The following CD47 variants were observed in gnomAD, a reference collection of about 807,000 sequenced individuals.
The protein encoded by CD47 is leukocyte surface antigen CD47.
Under a neutral mutation model 44.6 loss-of-function variants are expected in CD47, and 11 were observed. The observed-to-expected ratio is 0.25, with a 90% CI of 0.16 to 0.41. The LOEUF is 0.41. CD47 is among the 10% of genes least tolerant of loss of function. The pLI, the probability that CD47 is intolerant of heterozygous loss-of-function variation, is 1.00. For synonymous variants in CD47, 140 were observed against 136.3 expected (o/e 1.03, Z -0.19); for missense variants, 306 against 386.7 (o/e 0.79, Z 1.75).
intron 3 of CD47, among the ~76,000 whole-genome samples, chr3:108,064,207 G>A (rs780073829): frequency 5.3e-5 from 8 of 152,126 alleles, no homozygotes; most frequent in Non-Finnish European, 1.2e-4. Flanking sequence ...CAGTGAACAC[G>A]AAAAGCAAAC....
intron 1 of CD47, among the ~76,000 whole-genome samples, chr3:108,090,643 A>G (rs981074276): frequency 6.9e-6 from 1 of 145,020 alleles, no homozygotes; most frequent in Non-Finnish European, 1.5e-5. Context: ...GCTCTCACCC[A>G]GGGGGAAGAA....
intron 2 of CD47, among the ~76,000 whole-genome samples, chr3:108,079,026 G>A (rs2079363575): frequency 6.6e-6 from 1 of 152,026 alleles, no homozygotes; most frequent in South Asian, 2.1e-4. Flanking sequence ...TCAATCCTAA[G>A]TAATGTGCAA....
At chr3:108,090,770 TCAGGGCGCCGCCGGGCTGGC>T (rs2079619501) in intron 1 of CD47, 73 bp downstream of exon 1, 1 of 1,224,982 alleles carries the variant, frequency 8.2e-7, no homozygotes, top group South Asian at 1.7e-5. Context: ...GCCACCCTCT[TCAGGGCGCCGCCGGGCTGGC>T]TGGGGCGCAG....
chr3:108,052,384 G>A, intron 7 of CD47: 1 of 172,700 alleles, frequency 5.8e-6, no homozygotes, highest in East Asian at 1.7e-4. Flanking sequence ...TTAGCTCACT[G>A]CTCCTGTGTC....
intron 5 of CD47, among the ~76,000 whole-genome samples, chr3:108,058,636 T>C (rs1401943749): frequency 1.3e-5 from 2 of 152,346 alleles, no homozygotes; most frequent in Admixed American, 1.3e-4. Context: ...GCCTTTAATT[T>C]TCACAGTCAG....
rs536985659 is a variant in CD47 at position 108,077,292 on chromosome 3, G to A, written c.400+2699C>T. Among the ~76,000 whole-genome samples, 4 of 152,214 alleles carry A rather than the reference G, an allele frequency of 2.6e-5. No individual in the cohort carries two copies. In the East Asian group the frequency reaches 5.8e-4, roughly 22 times the overall value. ...ATTAGAAAAGAACTTATACTCCATAGTAAGAGTCCTGCCCCATTTAACCTT... is the reference window on the plus strand; with the variant it reads ...ATTAGAAAAGAACTTATACTCCATAATAAGAGTCCTGCCCCATTTAACCTT... On this transcript the variant is annotated intron_variant, in intron 2 of 10. Coordinates refer to ENST00000361309, the MANE Select transcript of CD47 (RefSeq NM_001777.4).
intron 3 of CD47, among the ~76,000 whole-genome samples, chr3:108,066,131 T>C (rs1479103518): frequency 6.6e-6 from 1 of 152,122 alleles, no homozygotes. Context: ...CAAGGTAGTG[T>C]AATGAGAACT....
chr3:108,051,093 T>G (rs1257756992), intron 8 of CD47, among the ~76,000 whole-genome samples: 1 of 152,218 alleles, frequency 6.6e-6, no homozygotes, highest in Non-Finnish European at 1.5e-5. Flanking sequence ...TATACCCCTG[T>G]GGTAGACACA....
intron 10 of CD47, 64 bp downstream of exon 10, chr3:108,049,554 CT>C (rs1206954794): frequency 3.9e-6 from 4 of 1,015,908 alleles, no homozygotes; most frequent in African/African-American, 3.2e-5. Context: ...TTTCAAGAAG[CT>C]TTTTTGTTTT....
intron 10 of CD47, among the ~76,000 whole-genome samples, chr3:108,048,369 GTGTTTTT>G (rs2078755691): frequency 8.8e-6 from 1 of 113,002 alleles, no homozygotes; most frequent in Non-Finnish European, 1.8e-5. Flanking sequence ...CATGACTGGA[GTGTTTTT>G]TTTTTTTTTT....
chr3:108,088,994 A>C (rs2079576454), intron 1 of CD47, among the ~76,000 whole-genome samples: 1 of 152,226 alleles, frequency 6.6e-6, no homozygotes, highest in Admixed American at 6.5e-5. Context: ...AATACAAATG[A>C]ATGTACAGAT....
intron 2 of CD47, among the ~76,000 whole-genome samples, chr3:108,078,690 CAG>C (rs1229300111): frequency 6.6e-6 from 1 of 151,450 alleles, no homozygotes; most frequent in African/African-American, 2.4e-5. Flanking sequence ...GATTTCTGAG[CAG>C]AAAGACCTTT....
At chr3:108,075,005 G>A (rs2108259426) in intron 2 of CD47, among the ~76,000 whole-genome samples, 1 of 152,360 alleles carries the variant, frequency 6.6e-6, no homozygotes, top group South Asian at 2.1e-4. Context: ...CTCAAGGGGA[G>A]AGTGAGACAT....
intron 1 of CD47, among the ~76,000 whole-genome samples, chr3:108,090,380 A>ACCGACTTCTCT (rs2079607482): frequency 1.3e-5 from 2 of 152,094 alleles, no homozygotes; most frequent in African/African-American, 4.8e-5. Context: ...ACCCCTTCTC[A>ACCGACTTCTCT]CCGACTTCGC....
chr3:108,061,914 TTAAA>T, intron 3 of CD47, among the ~76,000 whole-genome samples: 1 of 152,232 alleles, frequency 6.6e-6, no homozygotes, highest in Non-Finnish European at 1.5e-5. Flanking sequence ...GTGACAAACA[TTAAA>T]TAAAGTAAAA....
intron 1 of CD47, among the ~76,000 whole-genome samples, chr3:108,089,810 A>C (rs1191483964): frequency 6.6e-6 from 1 of 152,194 alleles, no homozygotes; most frequent in East Asian, 1.9e-4. Flanking sequence ...AGCATTCTAG[A>C]ATAAATGTAA....
chr3:108,055,609 T>C (rs1197248605), intron 7 of CD47: 3 of 1,151,266 alleles, frequency 2.6e-6, no homozygotes, highest in Non-Finnish European at 3.5e-6. Flanking sequence ...TTTAGGATAC[T>C]ATCAATAAAA....
chr3:108,058,256 AAG>A (rs1273195001), intron 6 of CD47, 79 bp downstream of exon 6: 5 of 815,074 alleles, frequency 6.1e-6, no homozygotes, highest in Admixed American at 3.6e-5. Context: ...TATTTTTAAA[AAG>A]AGAGAAAGAA....
chr3:108,057,744 C>T (rs2108231016), intron 6 of CD47, among the ~76,000 whole-genome samples, 175 bp from the exon 7 acceptor site: 1 of 152,132 alleles, frequency 6.6e-6, no homozygotes, highest in East Asian at 1.9e-4. Flanking sequence ...AGAACAAAGC[C>T]CTCCTTTGCA....
Sources: gnomAD v4.1 joint callset for allele counts (sites outside exome capture counted in the v4.1 genomes callset) on GRCh38, gnomAD v4.1.1 for gene constraint, MANE v1.5 for transcripts, NCBI Gene and HGNC (gene_info 2026-07-23, HGNC 2026-07-21) for gene names.